Variants in FBXO27 observed in about 807,000 individuals in gnomAD.
FBXO27 encodes the protein F-box only protein 27.
Under a neutral mutation model 28.3 loss-of-function variants are expected in FBXO27, and 28 were observed. The ratio of observed to expected loss-of-function variants is 0.99; its 90% CI spans 0.73 to 1.36. FBXO27 has a LOEUF of 1.36. FBXO27 is among the 40% of genes most tolerant of loss of function. FBXO27 has a pLI of 0.00. For missense variants in FBXO27, 388 were observed against 394.1 expected, an observed-to-expected ratio of 0.98 and a Z score of 0.13; for synonymous variants, 175 against 167.3, an observed-to-expected ratio of 1.05 and a Z score of -0.36.
intron 2 of FBXO27, among the ~76,000 whole-genome samples, chr19:39,008,579 T>C (rs1467392729): frequency 6.6e-6 from 1 of 152,168 alleles, no homozygotes; most frequent in Non-Finnish European, 1.5e-5. Context: ...ACATTCACAA[T>C]GTTGTACAAC....
chr19:39,025,522 G>A lies in FBXO27; in HGVS notation c.741C>T (p.Gly247=), dbSNP rs144482840. 81 of 1,613,954 alleles carry A rather than the reference G, an allele frequency of 5.0e-5. 1 individual carries two copies. In the Middle Eastern group the frequency reaches 6.6e-4, roughly 13 times the overall value. Residue 247 remains glycine (G), a synonymous_variant, in exon 6 of 6, where the codon GGC becomes GGT. Transcript: ENST00000292853. ...GGTGTTCGAAAGACACAAAGCGGAC[G>A]CCCATCTTGATGTTGGAGAACACGT... The part of the protein sequence containing the change: ...VTHVFSNIKM[G]VRFVSFEHRG...
chr19:39,011,155 G>C (rs2072792172), intron 2 of FBXO27, among the ~76,000 whole-genome samples: 1 of 152,242 alleles, frequency 6.6e-6, no homozygotes, highest in South Asian at 2.1e-4. Context: ...AAGTGGCCGG[G>C]TGCAGTGGCT....
Position 39,025,158 on chromosome 19 carries a change from G to A in FBXO27, c.*253C>T, listed in dbSNP as rs1380000577. The A allele has an allele frequency of 4.6e-6, 2 of 434,756 alleles. No individual in the cohort carries two copies. Among genetic ancestry groups the A allele is most frequent in the African/African-American group, 2.0e-5 (1 of 50,650 alleles). The allele number at this position is 434,756 out of a possible 1,614,324, so 26.9% of individuals were successfully genotyped here. ...GATGGGCATTCCCCCATGCTCACTT[G>A]TGGGTTTCCCCTCAGTACAGTAGGG... is the stretch of plus-strand genomic sequence containing the variant. On this transcript the variant is annotated 3_prime_UTR_variant, in exon 6 of 6. Transcript: ENST00000292853.
At position 39,031,890 on chromosome 19, in the gene FBXO27, T is replaced by A; in HGVS notation, c.338A>T (p.Asn113Ile). 1.3e-6 allele frequency: 2 copies of A among 1,497,734 alleles called. No homozygotes were observed. Among genetic ancestry groups the A allele is most frequent in the Non-Finnish European group, 1.8e-6 (2 of 1,135,536 alleles). 92.8% of individuals were successfully genotyped at this position (1,497,734 alleles called of 1,614,324 possible). ...RFCARRPIGR[N>I]LIRNPCGQEG... is the part of the protein sequence containing the mutation. ...TTGGCCGCAGGGGTTGCGAATAAGG[T>A]TGCGTCCGATGGGTCTGCGCGCGCA... Residue 113 changes from asparagine to isoleucine, a missense_variant, in exon 2 of 6, where the codon AAC becomes ATC. Coordinates refer to ENST00000292853, the MANE Select transcript of FBXO27 (RefSeq NM_178820.5).
chr19:39,026,109 A>G (rs2072871800), intron 5 of FBXO27, among the ~76,000 whole-genome samples: 1 of 152,056 alleles, frequency 6.6e-6, no homozygotes, highest in South Asian at 2.1e-4. Context: ...ATGCTCAGTG[A>G]CTTTGGCCAA....
At position 39,031,913 on chromosome 19, in the gene FBXO27, G is replaced by A. The variant is rs1362299035; in HGVS notation, c.315C>T (p.Cys105=). The change falls in exon 2 of 6, where the codon TGC becomes TGT. Residue 105 remains cysteine, a synonymous_variant. Coordinates refer to ENST00000292853, the MANE Select transcript of FBXO27 (RefSeq NM_178820.5). The part of the protein sequence containing the change: ...NARPCPLGRF[C]ARRPIGRNLI... ...GGTTGCGTCCGATGGGTCTGCGCGC[G>A]CAGAAGCGGCCCAGGGGGCAAGGCC... The A allele has an allele frequency of 1.3e-6, 2 of 1,504,238 alleles. No homozygotes were observed. The highest frequency in any genetic ancestry group is 2.3e-5 in the Admixed American group (1 of 43,754). The allele number at this position is 1,504,238 out of a possible 1,614,324, so 93.2% of individuals were successfully genotyped here.
intron 2 of FBXO27, among the ~76,000 whole-genome samples, chr19:39,013,044 G>A (rs1313249946): frequency 1.3e-5 from 2 of 152,206 alleles, no homozygotes; most frequent in South Asian, 2.1e-4. Context: ...CCTCTTTCCC[G>A]ATCATCATCC....
intron 3 of FBXO27, 26 bp from the exon 4 acceptor site, chr19:39,031,150 G>A (rs2072900043): frequency 6.2e-7 from 1 of 1,613,134 alleles, no homozygotes; most frequent in Non-Finnish European, 8.5e-7. Context: ...ACAGGGTAAT[G>A]AGAACAGGCA....
At chr19:39,019,682 A>G (rs2072836553), downstream of FBXO27, among the ~76,000 whole-genome samples, 1 of 152,096 alleles carries the variant, frequency 6.6e-6, no homozygotes, top group Admixed American at 6.6e-5. Context: ...ATGGGTTCCC[A>G]GGTGCCAATG....
At chr19:39,007,337 T>A (rs993560151) in intron 2 of FBXO27, among the ~76,000 whole-genome samples, 7 of 152,148 alleles carry the variant, frequency 4.6e-5, no homozygotes, top group African/African-American at 1.7e-4. Context: ...TGTCTCTGCC[T>A]GAGGAGTGTG....
intron 4 of FBXO27, among the ~76,000 whole-genome samples, chr19:39,027,995 C>G (rs181791470): frequency 4.6e-4 from 70 of 151,736 alleles, no homozygotes; most frequent in African/African-American, 1.7e-3. Flanking sequence ...AATCCCAACA[C>G]TTTGGGAGGC....
Position 39,025,503 on chromosome 19 carries a change from C to T in FBXO27, c.760G>A (p.Glu254Lys), listed in dbSNP as rs370891116. ...AACTGTGTGTCCTGGCCCCGGTGTT[C>T]GAAAGACACAAAGCGGACGCCCATC... ...IKMGVRFVSF[E>K]HRGQDTQFWA... Residue 254 changes from glutamate to lysine, a missense_variant, in exon 6 of 6, where the codon GAA (glutamate) becomes AAA (lysine). Glu to Lys is a moderately conservative substitution (Grantham distance 56). Transcript: ENST00000292853. The T allele has an allele frequency of 2.1e-5, 34 of 1,613,976 alleles. No homozygotes were observed. Among genetic ancestry groups the T allele is most frequent in the African/African-American group, 2.0e-4 (15 of 74,910 alleles).
intron 4 of FBXO27, chr19:39,030,288 A>T (rs7258182): frequency 0.8 from 121,285 of 152,208 alleles, 48,701 homozygotes; most frequent in Middle Eastern, 0.88. Context: ...AATAATTGTC[A>T]TTGCAAGAGC....
Position 39,031,197 on chromosome 19 carries a change from A to T in FBXO27, c.476+12T>A, listed in dbSNP as rs749899493. ...ACAAGGGGCCGGACCTTTGGATAGC[A>T]GGGGCATTCACCTGAATGAAGTCAC... On this transcript the variant is annotated intron_variant, in intron 3 of 5. Transcript: ENST00000292853. The T allele has an allele frequency of 5.0e-6, 8 of 1,613,766 alleles. No homozygotes were observed. In the Admixed American group the frequency reaches 5.0e-5, roughly 10 times the overall value.
At chr19:39,010,143 C>CT (rs60049248) in intron 2 of FBXO27, among the ~76,000 whole-genome samples, 126,331 of 149,260 alleles carry the variant, frequency 0.85, 53,496 homozygotes, top group Middle Eastern at 0.9. Context: ...GTTAAATTTA[C>CT]TTTTTTTTTT....
At chr19:39,014,223 A>G (rs1156779939) in intron 2 of FBXO27, among the ~76,000 whole-genome samples, 4 of 152,208 alleles carry the variant, frequency 2.6e-5, no homozygotes, top group Admixed American at 1.3e-4. Context: ...AGACAGCAGT[A>G]TCAGGTTTTG....
rs60009845 is a variant in FBXO27 at position 39,007,080 on chromosome 19, A to AAC, written c.252+7306_252+7307insGT. Among the ~76,000 whole-genome samples the AAC allele has an allele frequency of 6.1e-3, 845 of 138,406 alleles. 25 individuals carry two copies. The highest frequency in any genetic ancestry group is 0.024 in the African/African-American group (786 of 32,898). 90.8% of individuals were successfully genotyped at this position (138,406 alleles called of 152,430 possible). A position where few individuals can be genotyped will look rare whatever the true frequency, so the allele number is the denominator to read the frequency against. ...TCCAAAAAAAAAAAAAAAAAAAAAT[A>AAC]CAGAAAAGTACAATCCCAGAGGGCA... On this transcript the variant is annotated intron_variant, in intron 2 of 2. Transcript: ENST00000598394.
chr19:39,011,694 GGGGGA>G (rs750233486), intron 2 of FBXO27, among the ~76,000 whole-genome samples: 1,089 of 12,592 alleles, frequency 0.086, 30 homozygotes, highest in East Asian at 0.21. Flanking sequence ...AGATGGCGGC[GGGGGA>G]GGGGGGGTCT....
chr19:39,008,680 C>T (rs569181017), intron 2 of FBXO27, among the ~76,000 whole-genome samples: 2 of 152,128 alleles, frequency 1.3e-5, no homozygotes, highest in African/African-American at 4.8e-5. Context: ...CCCTGGCAAC[C>T]GCTAATCTAT....
Sources: gnomAD v4.1 joint callset for allele counts (sites outside exome capture counted in the v4.1 genomes callset) on GRCh38, gnomAD v4.1.1 for gene constraint, MANE v1.5 for transcripts, NCBI Gene and HGNC (gene_info 2026-07-23, HGNC 2026-07-21) for gene names.